The following CSMD1 variants were observed in gnomAD, a reference collection of about 807,000 sequenced individuals.
The protein encoded by CSMD1 is CUB and Sushi multiple domains 1.
CSMD1 carries 213 observed loss-of-function variants against 417.5 expected under a neutral mutation model. The ratio of observed to expected loss-of-function variants is 0.51; its 90% CI spans 0.46 to 0.57. The LOEUF is 0.57. Ranked by LOEUF, CSMD1 falls within the 20% of genes least tolerant of loss-of-function variation. CSMD1 has a pLI of 0.00. For missense variants in CSMD1, 6,923 were observed against 4,529.7 expected (o/e 1.53, Z -15.17); for synonymous variants, 2,862 against 1,736.8 (o/e 1.65, Z -16.11).
intron 3 of CSMD1, among the ~76,000 whole-genome samples, chr8:4,168,146 T>TACACAC (rs34184056): frequency 4.7e-5 from 7 of 149,388 alleles, no homozygotes; most frequent in African/African-American, 1.7e-4. Flanking sequence ...AAAAAAAATA[T>TACACAC]ACACACACAC....
At chr8:3,756,185 C>G (rs1797646928) in intron 5 of CSMD1, among the ~76,000 whole-genome samples, 2 of 151,818 alleles carry the variant, frequency 1.3e-5, no homozygotes, top group South Asian at 4.2e-4. Context: ...AACCCTGCCT[C>G]TACTAAAAAT....
chr8:4,538,419 G>C (rs990365655), intron 2 of CSMD1, among the ~76,000 whole-genome samples: 11 of 151,968 alleles, frequency 7.2e-5, no homozygotes, highest in African/African-American at 2.7e-4. Flanking sequence ...GAGGCAGGGA[G>C]ATCACCTGAG....
At chr8:3,743,182 A>G (rs769172573) in intron 6 of CSMD1, among the ~76,000 whole-genome samples, 1 of 152,194 alleles carries the variant, frequency 6.6e-6, no homozygotes, top group East Asian at 1.9e-4. Context: ...ACTGTGCTAC[A>G]CGACTCTTTT....
In CSMD1 at chr8:4,848,727, A is replaced by G. The variant is rs188805458; in HGVS notation, c.85+145605T>C. Among the ~76,000 whole-genome samples, 106 of 152,238 alleles carry G rather than the reference A, an allele frequency of 7.0e-4. 1 individual carries two copies. Among genetic ancestry groups the G allele is most frequent in the African/African-American group, 2.4e-3 (99 of 41,540 alleles). On this transcript the variant is annotated intron_variant, in intron 1 of 69. Transcript: ENST00000635120. Reference sequence around the variant, plus strand: ...GCTAATTTTTGTATATTTTTATAGTAGGGACTGGGTTTCACCATGCTGGCC... The same window carrying G: ...GCTAATTTTTGTATATTTTTATAGTGGGGACTGGGTTTCACCATGCTGGCC...
At chr8:3,958,783 A>G (rs751797602) in intron 5 of CSMD1, among the ~76,000 whole-genome samples, 8 of 152,194 alleles carry the variant, frequency 5.3e-5, no homozygotes, top group African/African-American at 2.4e-5. Flanking sequence ...TCAAAGAGGA[A>G]CGACATTATG....
At chr8:3,447,855 T>A (rs978833191) in intron 12 of CSMD1, among the ~76,000 whole-genome samples, 2 of 152,078 alleles carry the variant, frequency 1.3e-5, no homozygotes, top group Non-Finnish European at 2.9e-5. Flanking sequence ...ATCGGAGGTG[T>A]CTTTACTCTT....
chr8:3,996,292 C>T (rs1222297222), intron 5 of CSMD1, among the ~76,000 whole-genome samples: 1 of 152,202 alleles, frequency 6.6e-6, no homozygotes, highest in East Asian at 1.9e-4. Flanking sequence ...CATATAACTT[C>T]TGAGAATGAG....
intron 2 of CSMD1, among the ~76,000 whole-genome samples, chr8:4,568,963 G>A (rs878959760): frequency 2.6e-5 from 4 of 151,922 alleles, no homozygotes; most frequent in Non-Finnish European, 5.9e-5. Context: ...CTTTTTGATG[G>A]GTTTTTTCTT....
chr8:3,397,840 C>T (rs538049190), intron 16 of CSMD1, among the ~76,000 whole-genome samples: 1 of 152,264 alleles, frequency 6.6e-6, no homozygotes, highest in African/African-American at 2.4e-5. Context: ...CACACACCGC[C>T]TGGCAATACC....
At chr8:4,594,226 C>T (rs926465101) in intron 2 of CSMD1, among the ~76,000 whole-genome samples, 7 of 75,194 alleles carry the variant, frequency 9.3e-5, no homozygotes, top group Admixed American at 3.2e-4. Context: ...TTCTCTGAGA[C>T]GGGGTCTTGC....
chr8:4,004,987 G>A (rs1270556913), intron 4 of CSMD1, among the ~76,000 whole-genome samples: 1 of 152,048 alleles, frequency 6.6e-6, no homozygotes, highest in East Asian at 1.9e-4. Flanking sequence ...CTCGTGATCT[G>A]CCAGCCTCAG....
intron 59 of CSMD1, among the ~76,000 whole-genome samples, chr8:2,965,053 C>G (rs1434632364): frequency 6.6e-5 from 10 of 152,162 alleles, no homozygotes; most frequent in Admixed American, 3.9e-4. Context: ...CTTGTCCTTC[C>G]TCTGCACCAG....
Position 4,831,818 on chromosome 8 carries a change from C to T in CSMD1, c.85+162514G>A, listed in dbSNP as rs73661153. Among the ~76,000 whole-genome samples, 4 of 152,284 alleles carry T rather than the reference C, an allele frequency of 2.6e-5. No homozygotes were observed. In the East Asian group the frequency reaches 5.8e-4, roughly 22 times the overall value. On this transcript the variant is annotated intron_variant, in intron 1 of 69. Coordinates refer to ENST00000635120, the MANE Select transcript of CSMD1 (RefSeq NM_033225.6). ...TTCAGGGACCAGCATCTCCCACCCC[C>T]TCCCCTGACACTCAAAGACAAAGCA...
intron 3 of CSMD1, among the ~76,000 whole-genome samples, chr8:4,151,354 G>C (rs770942141): frequency 3.3e-5 from 5 of 152,136 alleles, no homozygotes; most frequent in Admixed American, 1.3e-4. Flanking sequence ...TTTACAGTGA[G>C]ACATTAACTA....
chr8:4,664,394 T>G (rs886526469), intron 1 of CSMD1, among the ~76,000 whole-genome samples: 1 of 152,028 alleles, frequency 6.6e-6, no homozygotes, highest in Non-Finnish European at 1.5e-5. Context: ...ACCCCATGTC[T>G]ACAGTAGAAA....
chr8:3,391,893 C>T lies in CSMD1; in HGVS notation c.2594-4211G>A, dbSNP rs571258868. Among the ~76,000 whole-genome samples, 9 of 152,070 alleles carry T rather than the reference C, an allele frequency of 5.9e-5. 1 individual carries two copies. The South Asian group carries it at 1.7e-3, about 28-fold the overall frequency. On this transcript the variant is annotated intron_variant, in intron 17 of 69. Transcript: ENST00000635120. Reference sequence around the variant, plus strand: ...ATAATGTGAAACATGTATGATGAAACAGAAGAGATGAGCAATATTCCTGTT... The same window carrying T: ...ATAATGTGAAACATGTATGATGAAATAGAAGAGATGAGCAATATTCCTGTT...
At chr8:4,926,282 A>T (rs1051206339) in intron 1 of CSMD1, among the ~76,000 whole-genome samples, 15 of 152,056 alleles carry the variant, frequency 9.9e-5, no homozygotes, top group Non-Finnish European at 1.5e-4. Context: ...TTAAACATGA[A>T]TTTTTTTTGG....
chr8:3,463,416 G>T (rs1380721735), intron 12 of CSMD1, among the ~76,000 whole-genome samples: 1 of 152,192 alleles, frequency 6.6e-6, no homozygotes, highest in East Asian at 1.9e-4. Context: ...CATTATAAAC[G>T]CTTTGTGACA....
At chr8:3,560,326 G>C (rs1009006063) in intron 10 of CSMD1, among the ~76,000 whole-genome samples, 1 of 152,090 alleles carries the variant, frequency 6.6e-6, no homozygotes, top group African/African-American at 2.4e-5. Context: ...GATACCATTA[G>C]TGAAGGTACC....
Sources: gnomAD v4.1 joint callset for allele counts (sites outside exome capture counted in the v4.1 genomes callset) on GRCh38, gnomAD v4.1.1 for gene constraint, MANE v1.5 for transcripts, NCBI Gene and HGNC (gene_info 2026-07-23, HGNC 2026-07-21) for gene names.